The following CUX1 variants were observed in gnomAD, a reference collection of about 807,000 sequenced individuals.
CUX1 encodes the protein cut like homeobox 1.
In CUX1, 31 loss-of-function variants were observed where a neutral mutation model predicts 158.8. The observed-to-expected ratio is 0.20, with a 90% CI of 0.15 to 0.26. The LOEUF (loss-of-function observed/expected upper bound fraction) is 0.26. Among genes scored for constraint, CUX1 ranks in the 10% least tolerant of loss-of-function variants. CUX1 has a pLI of 1.00. For missense variants in CUX1, 1,589 were observed against 2,014.6 expected (o/e 0.79, Z 4.04); for synonymous variants, 879 against 862.1 (o/e 1.02, Z -0.34).
At chr7:102,116,305 G>T (rs1209574644) in intron 8 of CUX1, among the ~76,000 whole-genome samples, 1 of 152,030 alleles carries the variant, frequency 6.6e-6, no homozygotes, top group African/African-American at 2.4e-5. Context: ...GACCTCGAGA[G>T]CCCAGCTTCG....
At chr7:102,117,969 A>G (rs1251172062) in intron 8 of CUX1, among the ~76,000 whole-genome samples, 1 of 152,214 alleles carries the variant, frequency 6.6e-6, no homozygotes, top group Non-Finnish European at 1.5e-5. Context: ...CCAAAAATGC[A>G]GAGAATGGCC....
intron 5 of CUX1, among the ~76,000 whole-genome samples, chr7:102,101,577 C>T (rs1554486374): frequency 1.3e-5 from 2 of 152,194 alleles, no homozygotes; most frequent in African/African-American, 2.4e-5. Context: ...CAAGCGTTAG[C>T]GTCCAAGTGC....
In CUX1 at chr7:102,027,993, A is replaced by G. The variant is rs182471866; in HGVS notation, c.142-105A>G. The G allele has an allele frequency of 6.3e-4, 736 of 1,173,996 alleles. 5 individuals carry two copies. The highest frequency in any genetic ancestry group is 3.3e-3 in the African/African-American group (216 of 65,990). 72.7% of individuals were successfully genotyped at this position (1,173,996 alleles called of 1,614,324 possible). A position where few individuals can be genotyped will look rare whatever the true frequency, so the allele number is the denominator to read the frequency against. Reference sequence around the variant, plus strand: ...GGTCCCAGGCTTGCTTTAGATAGTGATAATTAGCACTGACTGCCACGCTGT... The same window carrying G: ...GGTCCCAGGCTTGCTTTAGATAGTGGTAATTAGCACTGACTGCCACGCTGT... On this transcript the variant is annotated intron_variant, in intron 2 of 23. Coordinates refer to ENST00000292535, the MANE Select transcript of CUX1 (RefSeq NM_181552.4).
chr7:102,200,030 G>T, intron 16 of CUX1, 41 bp from the exon 17 acceptor site: 1 of 1,541,208 alleles, frequency 6.5e-7, no homozygotes, highest in Non-Finnish European at 8.8e-7. Context: ...TTTTTGTCCG[G>T]GGTTTGGGTT....
At chr7:102,100,803 A>C (rs113750624) in intron 5 of CUX1, among the ~76,000 whole-genome samples, 12,407 of 104,500 alleles carry the variant, frequency 0.12, 679 homozygotes, top group African/African-American at 0.25. Flanking sequence ...CTATCTCTTA[A>C]AAAAAGAAAA....
At chr7:102,131,404 A>G (rs1334647191) in intron 8 of CUX1, among the ~76,000 whole-genome samples, 1 of 151,966 alleles carries the variant, frequency 6.6e-6, no homozygotes, top group South Asian at 2.1e-4. Flanking sequence ...CTCTAATCCT[A>G]ACATTTTGGG....
chr7:102,218,939 G>T (rs188300578), intron 20 of CUX1, among the ~76,000 whole-genome samples: 1 of 151,752 alleles, frequency 6.6e-6, no homozygotes, highest in Non-Finnish European at 1.5e-5. Flanking sequence ...TGTCGTTCCA[G>T]CTACTCAGGA....
chr7:101,846,978 T>A (rs79792283), intron 1 of CUX1, among the ~76,000 whole-genome samples: 9,541 of 151,844 alleles, frequency 0.063, 1,025 homozygotes, highest in African/African-American at 0.22. Context: ...CAAAAAAATT[T>A]AAAAAATTAA....
chr7:101,837,017 C>T (rs140594801), intron 1 of CUX1, among the ~76,000 whole-genome samples: 39 of 152,310 alleles, frequency 2.6e-4, no homozygotes, highest in Non-Finnish European at 5.4e-4. Context: ...TGTAGTTGGC[C>T]ATTGTGTTAT....
Position 102,227,325 on chromosome 7 carries a change from C to T in CUX1, c.3131-42C>T, listed in dbSNP as rs935509717. On this transcript the variant is annotated intron_variant, in intron 20 of 23. Coordinates refer to ENST00000292535, the MANE Select transcript of CUX1 (RefSeq NM_181552.4). ...GAACGTAGATGGTCGTGGTAAAAGACAGCTATTTTCAGGCACGGTTTCTCG... is the reference window on the plus strand; with the variant it reads ...GAACGTAGATGGTCGTGGTAAAAGATAGCTATTTTCAGGCACGGTTTCTCG... 4 of 1,546,338 alleles carry T rather than the reference C, an allele frequency of 2.6e-6. No individual in the cohort carries two copies. In the African/African-American group the frequency reaches 5.5e-5, roughly 21 times the overall value.
chr7:102,085,097 T>C (rs1361473498), intron 4 of CUX1, among the ~76,000 whole-genome samples: 2 of 152,166 alleles, frequency 1.3e-5, no homozygotes, highest in South Asian at 2.1e-4. Flanking sequence ...TTTTCTCATA[T>C]TGTTTTCGGC....
chr7:102,078,396 G>C (rs1827011029), intron 4 of CUX1, among the ~76,000 whole-genome samples: 1 of 152,114 alleles, frequency 6.6e-6, no homozygotes, highest in Non-Finnish European at 1.5e-5. Flanking sequence ...GTATTTTAAA[G>C]AGTTCCTAGG....
At chr7:101,821,840 AGTTTTTTT>A (rs1253272273) in intron 1 of CUX1, among the ~76,000 whole-genome samples, 13 of 116,316 alleles carry the variant, frequency 1.1e-4, no homozygotes, top group African/African-American at 2.7e-4. Context: ...ATGCCTGGCT[AGTTTTTTT>A]GTTTTTTTGT....
chr7:102,063,383 C>CTTTTTTTTTTTTTTTTTT (rs11368644), intron 3 of CUX1, among the ~76,000 whole-genome samples: 1 of 89,272 alleles, frequency 1.1e-5, no homozygotes. Context: ...ATTTCCTTTT[C>CTTTTTTTTTTTTTTTTTT]TTTTTTTTTT....
At chr7:102,277,268 G>A (rs1791674695) in intron 17 of CUX1, among the ~76,000 whole-genome samples, 1 of 151,998 alleles carries the variant, frequency 6.6e-6, no homozygotes, top group African/African-American at 2.4e-5. Context: ...CTTTATTCTA[G>A]CCTGGGTGAT....
chr7:102,098,161 C>T (rs1212091307), intron 5 of CUX1, among the ~76,000 whole-genome samples: 1 of 152,218 alleles, frequency 6.6e-6, no homozygotes, highest in Non-Finnish European at 1.5e-5. Flanking sequence ...ATCACAGCTC[C>T]CGTCTGACAG....
At chr7:102,087,059 C>T (rs1423503849) in intron 4 of CUX1, among the ~76,000 whole-genome samples, 1 of 152,104 alleles carries the variant, frequency 6.6e-6, no homozygotes, top group Non-Finnish European at 1.5e-5. Flanking sequence ...ATACCTACAT[C>T]TTGCTTTTTT....
intron 7 of CUX1, 65 bp downstream of exon 7, chr7:102,111,839 C>T: frequency 7.0e-7 from 1 of 1,423,020 alleles, no homozygotes; most frequent in Admixed American, 1.8e-5. Context: ...TTGGGTCAGC[C>T]CCTGACCGCC....
chr7:101,864,096 T>C (rs1797722770), intron 1 of CUX1, among the ~76,000 whole-genome samples: 1 of 152,092 alleles, frequency 6.6e-6, no homozygotes. Context: ...CATTTTAAAT[T>C]CCCACCAATG....
Sources: gnomAD v4.1 joint callset for allele counts (sites outside exome capture counted in the v4.1 genomes callset) on GRCh38, gnomAD v4.1.1 for gene constraint, MANE v1.5 for transcripts, NCBI Gene and HGNC (gene_info 2026-07-23, HGNC 2026-07-21) for gene names.